DST: variants seen among roughly 807,000 people sequenced by gnomAD.
The protein encoded by DST is dystonin.
Under a neutral mutation model 875.2 loss-of-function variants are expected in DST, and 253 were observed. The observed-to-expected ratio is 0.29, with a 90% CI of 0.26 to 0.32. The LOEUF (loss-of-function observed/expected upper bound fraction) is 0.32, where lower values mean the gene tolerates loss of function less well. Ranked by LOEUF, DST falls within the 10% of genes least tolerant of loss-of-function variation. DST has a pLI of 1.00. For missense variants in DST, 8,287 were observed against 9,111.6 expected (o/e 0.91, Z 3.68); for synonymous variants, 3,124 against 3,197.1 (o/e 0.98, Z 0.77).
chr6:56,485,156 G>A (rs1180741161), intron 88 of DST, 156 bp downstream of exon 88: 3 of 755,098 alleles, frequency 4.0e-6, no homozygotes, highest in African/African-American at 1.8e-5. Context: ...TTGCTTCCAG[G>A]TTCTGCTCAA....
In DST at chr6:56,662,892, T is replaced by C. The variant is rs192877982; in HGVS notation, c.1214+7749A>G. On this transcript the variant is annotated intron_variant, in intron 10 of 103. Coordinates refer to ENST00000680361, the MANE Select transcript of DST (RefSeq NM_001374736.1). ...TGAACCCGGGAGGTGGAGGTTGCAG[T>C]GAGCCAAGATCGCACCACTGCACTC... Among the ~76,000 whole-genome samples the C allele has an allele frequency of 6.2e-3, 936 of 152,194 alleles. 9 individuals carry two copies. The highest frequency in any genetic ancestry group is 0.021 in the African/African-American group (890 of 41,518).
intron 10 of DST, among the ~76,000 whole-genome samples, chr6:56,660,000 ACTTT>A (rs2099030555): frequency 6.6e-6 from 1 of 152,156 alleles, no homozygotes; most frequent in South Asian, 2.1e-4. Flanking sequence ...AGCAAAAAAG[ACTTT>A]CTACTTGTTG....
At chr6:56,593,571 G>A (rs1406848518) in intron 48 of DST, 92 bp downstream of exon 48, 2 of 1,043,006 alleles carry the variant, frequency 1.9e-6, no homozygotes, top group Admixed American at 6.3e-5. Context: ...TCCTGTTTTG[G>A]ATTTTAGGTT....
intron 4 of DST, among the ~76,000 whole-genome samples, chr6:56,802,846 G>C (rs900611169): frequency 3.9e-5 from 6 of 152,146 alleles, no homozygotes; most frequent in African/African-American, 1.4e-4. Context: ...TAAAGCACTG[G>C]ATAATTCTTT....
intron 3 of DST, among the ~76,000 whole-genome samples, chr6:56,876,044 T>C (rs1327090798): frequency 1.3e-5 from 2 of 152,104 alleles, no homozygotes; most frequent in African/African-American, 4.8e-5. Context: ...TCTATACCTC[T>C]GCACCTCTCC....
At chr6:56,908,383 C>T (rs2127711555) in intron 2 of DST, among the ~76,000 whole-genome samples, 1 of 152,236 alleles carries the variant, frequency 6.6e-6, no homozygotes, top group South Asian at 2.1e-4. Context: ...TTTTCAATAA[C>T]TTATAATTGA....
At chr6:56,469,346 T>C (rs2094762156) in intron 97 of DST, among the ~76,000 whole-genome samples, 1 of 149,818 alleles carries the variant, frequency 6.7e-6, no homozygotes, top group African/African-American at 2.5e-5. Flanking sequence ...TAAGAGATGT[T>C]CCAAAAGAGA....
intron 2 of DST, among the ~76,000 whole-genome samples, chr6:56,942,845 T>C (rs1817396579): frequency 6.6e-6 from 1 of 151,634 alleles, no homozygotes; most frequent in African/African-American, 2.4e-5. Flanking sequence ...GCCTCCCAAG[T>C]AGTTAGGACT....
At chr6:56,643,492 A>G (rs1177847695) in intron 15 of DST, among the ~76,000 whole-genome samples, 1 of 152,190 alleles carries the variant, frequency 6.6e-6, no homozygotes, top group Non-Finnish European at 1.5e-5. Flanking sequence ...ATGCTTACAA[A>G]TTTAATTTGT....
chr6:56,777,923 A>G (rs2099682450), intron 4 of DST, among the ~76,000 whole-genome samples: 1 of 151,968 alleles, frequency 6.6e-6, no homozygotes, highest in African/African-American at 2.4e-5. Context: ...GGCTGGTCTC[A>G]AATGCCTGAG....
At chr6:56,579,293 C>T (rs1343026810) in intron 49 of DST, among the ~76,000 whole-genome samples, 3 of 152,132 alleles carry the variant, frequency 2.0e-5, no homozygotes, top group Non-Finnish European at 4.4e-5. Flanking sequence ...CAAACAACAA[C>T]CAAAATTTGA....
intron 2 of DST, among the ~76,000 whole-genome samples, chr6:56,943,480 T>A (rs1268802599): frequency 6.7e-6 from 1 of 150,254 alleles, no homozygotes; most frequent in African/African-American, 2.4e-5. Flanking sequence ...CAGGCTGGAG[T>A]GCAATGGCAC....
At chr6:56,743,891 C>A (rs544456464) in intron 4 of DST, among the ~76,000 whole-genome samples, 1 of 152,090 alleles carries the variant, frequency 6.6e-6, no homozygotes, top group Non-Finnish European at 1.5e-5. Context: ...TGATGGCTCA[C>A]GCCTGTAATC....
intron 88 of DST, 69 bp from the exon 89 acceptor site, chr6:56,482,946 G>A (rs2095445817): frequency 7.4e-6 from 9 of 1,216,834 alleles, no homozygotes; most frequent in Non-Finnish European, 1.0e-5. Flanking sequence ...TACTGTTTGA[G>A]ATATATATGT....
intron 49 of DST, among the ~76,000 whole-genome samples, chr6:56,583,794 C>T (rs528136377): frequency 1.7e-4 from 26 of 152,296 alleles, no homozygotes; most frequent in Non-Finnish European, 3.7e-4. Context: ...GGAAGGGATC[C>T]AGTTTCAGCT....
Position 56,526,557 on chromosome 6 carries a change from T to G in DST, c.17933A>C (p.Lys5978Thr), listed in dbSNP as rs1253838841. ...QAQMRPKELK[K>T]EAKNNKALLD... is the part of the protein sequence containing the mutation. ...TAAGGCTTTGTTGTTCTTAGCTTCC[T>G]TTTTCAGTTCCTGAAAACATACAAA... The change falls in exon 69 of 104, where the codon AAG (lysine) becomes ACG (threonine). Residue 5978 changes from lysine (K) to threonine (T), a missense_variant. Lys to Thr is a moderately conservative substitution (Grantham distance 78, BLOSUM62 -1). Around this residue, in one of 10 missense-constraint regions of DST, gnomAD observed 777 missense variants for 764.8 expected, o/e 1.02. Transcript: ENST00000680361. The G allele has an allele frequency of 3.1e-6, 5 of 1,612,412 alleles. No individual in the cohort carries two copies. The highest frequency in any genetic ancestry group is 1.3e-5 in the African/African-American group (1 of 74,822).
chr6:56,794,407 G>A (rs946216114), intron 4 of DST, among the ~76,000 whole-genome samples: 1 of 152,106 alleles, frequency 6.6e-6, no homozygotes, highest in Non-Finnish European at 1.5e-5. Flanking sequence ...TTACCAACAA[G>A]GAGAAAGGAA....
In DST at chr6:56,466,215, A is replaced by C. The variant is rs371363863; in HGVS notation, c.22570-20T>G. 258 of 1,526,024 alleles carry C rather than the reference A, an allele frequency of 1.7e-4. No homozygotes were observed. Among genetic ancestry groups the C allele is most frequent in the Non-Finnish European group, 2.2e-4 (249 of 1,123,458 alleles). 94.5% of individuals were successfully genotyped at this position (1,526,024 alleles called of 1,614,324 possible). A position where few individuals can be genotyped will look rare whatever the true frequency, so the allele number is the denominator to read the frequency against. On this transcript the variant is annotated intron_variant, in intron 98 of 103. Transcript: ENST00000680361. Reference sequence around the variant, plus strand: ...TCCAAACTGTTCAGTGAAGAAAGAAAGAACCTCTAGTTGTCAATAATAATT... The same window carrying C: ...TCCAAACTGTTCAGTGAAGAAAGAACGAACCTCTAGTTGTCAATAATAATT...
rs1364832608 is a variant in DST, at chr6:56,607,661, C to A, written c.6967G>T (p.Ala2323Ser). The A allele has an allele frequency of 6.2e-7, 1 of 1,613,428 alleles. No individual in the cohort carries two copies. The change falls in exon 40 of 104, where the codon GCA becomes TCA. Residue 2323 changes from alanine to serine, a missense_variant. By Grantham distance (99) the Ala-to-Ser change is moderately conservative. Transcript: ENST00000680361. ...NSEFSQSGKLASTISIDPKVN... is the reference protein window; with the variant it reads ...NSEFSQSGKLSSTISIDPKVN... ...TTAGGATCAATTGATATTGTACTTG[C>A]CAGTTTTCCTGACTGAGAAAATTCA... is the stretch of plus-strand genomic sequence containing the variant.
Sources: allele counts gnomAD v4.1 joint callset (sites outside exome capture counted in the v4.1 genomes callset), GRCh38; gene constraint gnomAD v4.1.1; regional missense constraint gnomAD v4.1.1; transcripts MANE v1.5; gene names NCBI Gene and HGNC (gene_info 2026-07-23, HGNC 2026-07-21).